The following AGMO variants were observed in gnomAD, a reference collection of about 807,000 sequenced individuals.
AGMO encodes glyceryl-ether monooxygenase.
In AGMO, 75 loss-of-function variants were observed where a neutral mutation model predicts 60.2. That is an observed-to-expected ratio of 1.25 (90% CI 1.03 to 1.51). The LOEUF is 1.51. Among genes scored for constraint, AGMO ranks in the 40% most tolerant of loss-of-function variants. The pLI, the probability that AGMO is intolerant of heterozygous loss-of-function variation, is 0.00. For missense variants in AGMO, 763 were observed against 525.5 expected, an observed-to-expected ratio of 1.45 and a Z score of -4.42; for synonymous variants, 261 against 177.1, an observed-to-expected ratio of 1.47 and a Z score of -3.76.
intron 10 of AGMO, among the ~76,000 whole-genome samples, chr7:15,374,325 C>A (rs911381588): frequency 2.6e-5 from 4 of 151,880 alleles, no homozygotes; most frequent in Non-Finnish European, 4.4e-5. Context: ...GAATTTCAAG[C>A]AAGAAGCAAA....
At position 15,260,558 on chromosome 7, in the gene AGMO, C is replaced by G. The variant is rs538460639; in HGVS notation, c.1264-59199G>C. Among the ~76,000 whole-genome samples the G allele has an allele frequency of 1.3e-4, 20 of 152,160 alleles. No individual in the cohort carries two copies. In the East Asian group the frequency reaches 3.9e-3, roughly 29 times the overall value. On this transcript the variant is annotated intron_variant, in intron 12 of 12. Transcript: ENST00000342526. ...CTAAGAAATGAGATAGACAGCAACA[C>G]AATAATAGTGGGGGACTTTAATATT...
intron 12 of AGMO, among the ~76,000 whole-genome samples, chr7:15,246,765 A>G (rs1013173297): frequency 1.7e-4 from 26 of 151,710 alleles, no homozygotes; most frequent in African/African-American, 5.8e-4. Context: ...GATTCTCTCA[A>G]CCTCCCCTTT....
intron 12 of AGMO, among the ~76,000 whole-genome samples, chr7:15,283,188 C>A (rs901297366): frequency 6.6e-6 from 1 of 151,856 alleles, no homozygotes; most frequent in African/African-American, 2.4e-5. Flanking sequence ...ATGAAGAAAA[C>A]AAAGTATCTA....
chr7:15,407,743 A>G (rs1784744054), intron 5 of AGMO, among the ~76,000 whole-genome samples: 1 of 151,888 alleles, frequency 6.6e-6, no homozygotes, highest in Non-Finnish European at 1.5e-5. Context: ...AAATGTTTAC[A>G]TATACACACA....
At chr7:15,122,906 T>C in the AGMO span, among the ~76,000 whole-genome samples, 1 of 152,046 alleles carries the variant, frequency 6.6e-6, no homozygotes, top group Admixed American at 6.6e-5. Context: ...ATGTCACTAC[T>C]CTCCTCAAAA....
At chr7:15,313,876 C>G (rs1426614236) in intron 12 of AGMO, among the ~76,000 whole-genome samples, 1 of 152,016 alleles carries the variant, frequency 6.6e-6, no homozygotes, top group Admixed American at 6.6e-5. Context: ...TGGGGTCTCT[C>G]TCTCTCTCTC....
chr7:15,396,744 G>C (rs988902500), intron 5 of AGMO: 1 of 151,444 alleles, frequency 6.6e-6, no homozygotes, highest in African/African-American at 2.4e-5. Context: ...AGAGCTGATT[G>C]GTCCATTTTA....
At chr7:15,549,800 C>G (rs1784894143) in intron 2 of AGMO, among the ~76,000 whole-genome samples, 1 of 151,662 alleles carries the variant, frequency 6.6e-6, no homozygotes, top group South Asian at 2.1e-4. Flanking sequence ...TTGAACTCAG[C>G]TCTGCACCAA....
At chr7:15,560,843 T>C (rs1283682363) in intron 1 of AGMO, among the ~76,000 whole-genome samples, 1 of 152,178 alleles carries the variant, frequency 6.6e-6, no homozygotes, top group Admixed American at 6.6e-5. Flanking sequence ...TAATAAGAGA[T>C]GTTTTGAAAG....
Position 15,392,685 on chromosome 7 carries a change from G to C in AGMO, c.676+1428C>G, listed in dbSNP as rs139118148. Among the ~76,000 whole-genome samples the C allele has an allele frequency of 7.4e-3, 1,130 of 152,138 alleles. 21 individuals carry two copies. Among genetic ancestry groups the C allele is most frequent in the African/African-American group, 0.026 (1,070 of 41,496 alleles). ...GTGGTGGCTGGCACCTGTAATCCAA[G>C]TTACTTGGGAGGCTGCAGCAGAAGA... On this transcript the variant is annotated intron_variant, in intron 6 of 12. Coordinates refer to ENST00000342526, the MANE Select transcript of AGMO (RefSeq NM_001004320.2).
chr7:15,196,596 GTTTGAAAAATATAGAACC>G (rs1781122549), downstream of AGMO, among the ~76,000 whole-genome samples: 3 of 152,284 alleles, frequency 2.0e-5, no homozygotes, highest in South Asian at 6.2e-4. Flanking sequence ...ATTGCCAGAG[GTTTGAAAAATATAGAACC>G]TTTGGCACGT....
intron 12 of AGMO, among the ~76,000 whole-genome samples, chr7:15,352,239 T>G (rs1257246466): frequency 6.6e-6 from 1 of 152,152 alleles, no homozygotes; most frequent in Non-Finnish European, 1.5e-5. Flanking sequence ...AAATTTAACT[T>G]CACTTTCAAA....
chr7:15,289,050 A>C (rs1192598225), intron 12 of AGMO, among the ~76,000 whole-genome samples: 1 of 151,710 alleles, frequency 6.6e-6, no homozygotes, highest in Non-Finnish European at 1.5e-5. Flanking sequence ...CCATTCTTTA[A>C]ATTTTCTTTT....
At chr7:15,265,532 T>G (rs905834643) in intron 12 of AGMO, among the ~76,000 whole-genome samples, 4 of 151,918 alleles carry the variant, frequency 2.6e-5, no homozygotes, top group Admixed American at 1.3e-4. Flanking sequence ...GATCAAAAGA[T>G]ATTCAAAATA....
intron 12 of AGMO, among the ~76,000 whole-genome samples, chr7:15,237,115 A>G (rs745353133): frequency 6.6e-6 from 1 of 151,722 alleles, no homozygotes; most frequent in African/African-American, 2.4e-5. Context: ...GAACTTCCCT[A>G]AAGATTATTT....
chr7:15,357,112 GAAAA>G (rs1315267852), intron 12 of AGMO, among the ~76,000 whole-genome samples: 2 of 133,420 alleles, frequency 1.5e-5, no homozygotes, highest in Non-Finnish European at 1.6e-5. Flanking sequence ...TCTGTCTCAT[GAAAA>G]AAAAAAAGAA....
rs576872902 is a variant in AGMO, at chr7:15,385,488, A to G, written c.1032T>C (p.Ala344=). The G allele has an allele frequency of 7.4e-6, 12 of 1,612,854 alleles. No individual in the cohort carries two copies. The highest frequency in any genetic ancestry group is 1.1e-5 in the South Asian group (1 of 90,962). ...TCTCTTCATAAAATGCCAACATCAG[A>G]GCAAACTGTACAACTGTATATATCT... ...LLKIYTVVQF[A]LMLAFYEETF... Residue 344 remains alanine, a synonymous_variant, in exon 10 of 13, where the codon GCT becomes GCC. Coordinates refer to ENST00000342526, the MANE Select transcript of AGMO (RefSeq NM_001004320.2).
At chr7:15,322,493 T>A (rs780324613) in intron 12 of AGMO, among the ~76,000 whole-genome samples, 1,757 of 81,472 alleles carry the variant, frequency 0.022, 94 homozygotes, top group East Asian at 0.047. Flanking sequence ...TATAAATATA[T>A]ATAAATATAT....
intron 3 of AGMO, among the ~76,000 whole-genome samples, chr7:15,482,039 A>G (rs528696520): frequency 6.6e-6 from 1 of 152,060 alleles, no homozygotes; most frequent in Non-Finnish European, 1.5e-5. Flanking sequence ...TCTGAGGGTC[A>G]TTTGTACTTT....
Sources: allele counts gnomAD v4.1 joint callset (sites outside exome capture counted in the v4.1 genomes callset), GRCh38; gene constraint gnomAD v4.1.1; transcripts MANE v1.5; gene names NCBI Gene and HGNC (gene_info 2026-07-23, HGNC 2026-07-21).